Variants in ATP11C observed in about 807,000 individuals in gnomAD.
ATP11C encodes the protein ATPase phospholipid transporting 11C (ATP11C blood group).
In ATP11C, 36 loss-of-function variants were observed where a neutral mutation model predicts 97.4. The ratio of observed to expected loss-of-function variants is 0.37; its 90% CI spans 0.28 to 0.49. ATP11C has a LOEUF of 0.49. ATP11C is among the 20% of genes least tolerant of loss of function. The pLI is 0.98. For synonymous variants in ATP11C, 275 were observed against 290.9 expected (o/e 0.95, Z 0.56); for missense variants, 730 against 824.6 (o/e 0.89, Z 1.40).
At chrX:139,894,052 CA>C (rs1296855464) in intron 1 of ATP11C, among the ~76,000 whole-genome samples, 1 of 111,432 alleles carries the variant, frequency 9.0e-6, no homozygotes, top group Non-Finnish European at 1.9e-5. Context: ...AACTCCAAAG[CA>C]AAAGAAGGCC....
intron 25 of ATP11C, among the ~76,000 whole-genome samples, 179 bp downstream of exon 25, chrX:139,745,543 G>A (rs1452807265): frequency 8.9e-6 from 1 of 112,233 alleles, no homozygotes; most frequent in Non-Finnish European, 1.9e-5. Flanking sequence ...TGCACAGAAA[G>A]TGATTTCTTA....
intron 1 of ATP11C, among the ~76,000 whole-genome samples, chrX:139,871,048 G>A (rs2084366344): frequency 2.9e-5 from 2 of 68,472 alleles, no homozygotes; most frequent in South Asian, 2.1e-3. Flanking sequence ...GGGCGACAGA[G>A]CGAGACTCCG....
intron 12 of ATP11C, among the ~76,000 whole-genome samples, chrX:139,794,048 C>A (rs1166668493): frequency 8.9e-6 from 1 of 111,939 alleles, no homozygotes; most frequent in Non-Finnish European, 1.9e-5. Context: ...GAAGGCGACA[C>A]AAAGAAGAGT....
chrX:139,740,884 AT>A (rs750500441), intron 27 of ATP11C, 106 bp downstream of exon 27: 1 of 457,677 alleles, frequency 2.2e-6, no homozygotes, highest in South Asian at 4.0e-5. Context: ...GTGTCATCTT[AT>A]ATAATTAAAA....
upstream of ATP11C, among the ~76,000 whole-genome samples, chrX:139,933,673 G>T (rs1227438555): frequency 8.9e-6 from 1 of 112,406 alleles, no homozygotes; most frequent in African/African-American, 3.2e-5. Flanking sequence ...GCGTTCTCCT[G>T]CCAGTTTAGA....
chrX:139,742,876 AAT>A (rs869303916), intron 26 of ATP11C, among the ~76,000 whole-genome samples: 14 of 26,207 alleles, frequency 5.3e-4, no homozygotes, highest in Admixed American at 1.8e-3. Context: ...AAAAAAAAAA[AAT>A]ATATATATAT....
intron 27 of ATP11C, 24 bp from the exon 28 acceptor site, chrX:139,738,093 A>T (rs768185582): frequency 3.5e-6 from 4 of 1,143,066 alleles, no homozygotes; most frequent in Middle Eastern, 2.4e-4. Flanking sequence ...AAAATACATG[A>T]TGGAAAAACA....
intron 5 of ATP11C, among the ~76,000 whole-genome samples, chrX:139,808,691 C>T (rs2083099973): frequency 8.9e-6 from 1 of 112,040 alleles, no homozygotes; most frequent in Non-Finnish European, 1.9e-5. Context: ...AGCAGATTTA[C>T]ACTATAAAAT....
intron 1 of ATP11C, among the ~76,000 whole-genome samples, chrX:139,900,186 T>C (rs1032953341): frequency 4.5e-5 from 5 of 110,088 alleles, no homozygotes; most frequent in Middle Eastern, 4.7e-3. Context: ...CTGGCCAACA[T>C]GATGAAACCC....
rs765545831 is a variant in ATP11C at position 139,750,011 on chromosome X, T to C, written c.2828+14A>G. On this transcript the variant is annotated intron_variant, in intron 24 of 29. Transcript: ENST00000682941. ...TGAAAGTCTTAGGGGGTTTTAACTA[T>C]ATATTTAACTTACATATACAATCGG... 5 of 1,187,553 alleles carry C rather than the reference T, an allele frequency of 4.2e-6. No individual in the cohort carries two copies. The highest frequency in any genetic ancestry group is 2.2e-5 in the Admixed American group (1 of 44,847).
At chrX:139,804,739 A>C (rs1239273242) in intron 5 of ATP11C, 140 bp from the exon 6 acceptor site, 14 of 422,399 alleles carry the variant, frequency 3.3e-5, no homozygotes, top group Middle Eastern at 7.0e-4. Flanking sequence ...CATCATGTGA[A>C]AGGTGATGAA....
At chrX:139,777,635 TAG>T (rs1416700281) in intron 18 of ATP11C, among the ~76,000 whole-genome samples, 1 of 110,881 alleles carries the variant, frequency 9.0e-6, no homozygotes, top group East Asian at 2.8e-4. Flanking sequence ...TGAACCTTGC[TAG>T]AGGTCAACAT....
At chrX:139,734,620 C>G (rs1255140216) in intron 28 of ATP11C, among the ~76,000 whole-genome samples, 1 of 111,404 alleles carries the variant, frequency 9.0e-6, no homozygotes, top group African/African-American at 3.3e-5. Flanking sequence ...TTTTGAAATA[C>G]AAAAATCCTA....
intron 1 of ATP11C, among the ~76,000 whole-genome samples, chrX:139,854,769 ATG>A (rs2084063436): frequency 8.9e-6 from 1 of 112,430 alleles, no homozygotes; most frequent in African/African-American, 3.2e-5. Context: ...AGGCATAAGA[ATG>A]TGGATTTTTA....
intron 1 of ATP11C, among the ~76,000 whole-genome samples, chrX:139,866,343 CAA>C (rs57250412): frequency 2.2e-4 from 6 of 27,550 alleles, no homozygotes; most frequent in South Asian, 3.3e-3. Context: ...GACTCTGTCT[CAA>C]AAAAAAAAAA....
At chrX:139,927,588 G>C (rs971845776) in intron 1 of ATP11C, among the ~76,000 whole-genome samples, 15 of 110,729 alleles carry the variant, frequency 1.4e-4, no homozygotes, top group African/African-American at 4.6e-4. Flanking sequence ...TGGATGACAA[G>C]AGTAAGACTC....
At chrX:139,753,741 G>A (rs1216433702) in intron 23 of ATP11C, among the ~76,000 whole-genome samples, 1 of 111,334 alleles carries the variant, frequency 9.0e-6, no homozygotes, top group African/African-American at 3.3e-5. Flanking sequence ...CCCAGGAGGT[G>A]GAGGTGGCAG....
At chrX:139,889,500 C>T (rs1162481724) in intron 1 of ATP11C, among the ~76,000 whole-genome samples, 1 of 111,677 alleles carries the variant, frequency 9.0e-6, no homozygotes, top group African/African-American at 3.3e-5. Context: ...GTGGTGATTA[C>T]AATTTATATA....
chrX:139,820,550 T>A (rs1458949186), intron 2 of ATP11C, among the ~76,000 whole-genome samples: 3 of 111,157 alleles, frequency 2.7e-5, no homozygotes, highest in Admixed American at 9.6e-5. Flanking sequence ...TACCTCCAAT[T>A]TCCATGACAG....
Sources: gnomAD v4.1 joint callset for allele counts (sites outside exome capture counted in the v4.1 genomes callset) on GRCh38, gnomAD v4.1.1 for gene constraint, MANE v1.5 for transcripts, NCBI Gene and HGNC (gene_info 2026-07-23, HGNC 2026-07-21) for gene names.